INPP4B: variants seen among roughly 807,000 people sequenced by gnomAD.
INPP4B encodes inositol polyphosphate 4-phosphatase type II.
In INPP4B, 55 loss-of-function variants were observed where a neutral mutation model predicts 122.5. The ratio of observed to expected loss-of-function variants is 0.45; its 90% confidence interval spans 0.36 to 0.56. The LOEUF is 0.56. Ranked by LOEUF, INPP4B falls within the 20% of genes least tolerant of loss-of-function variation. The probability of loss-of-function intolerance (pLI) is 0.00; values close to 1 mark genes in which losing one functional copy is unlikely to be tolerated. For synonymous variants in INPP4B, 403 were observed against 388.7 expected (o/e 1.04, Z -0.43); for missense variants, 1,000 against 1,097.7 (o/e 0.91, Z 1.26).
At chr4:142,828,158 G>C (rs1013122950) in intron 1 of INPP4B, among the ~76,000 whole-genome samples, 2 of 151,950 alleles carry the variant, frequency 1.3e-5, no homozygotes, top group Non-Finnish European at 2.9e-5. Flanking sequence ...TCTCTCTGTG[G>C]CAAATTAAAA....
Position 142,532,263 on chromosome 4 carries a change from C to T in INPP4B, c.-190-69537G>A, listed in dbSNP as rs150039887. On this transcript the variant is annotated intron_variant, in intron 2 of 25. Transcript: ENST00000262992. ...TCTCCATCCACTTCAGCAGCAGCAC[C>T]CCCTGCTCTCATTATTCTTCACCTT... Among the ~76,000 whole-genome samples, 276 of 152,258 alleles carry T rather than the reference C, an allele frequency of 1.8e-3. 1 individual carries two copies. The highest frequency in any genetic ancestry group is 6.4e-3 in the African/African-American group (266 of 41,550).
intron 25 of INPP4B, among the ~76,000 whole-genome samples, chr4:142,046,014 T>C (rs1049619827): frequency 6.6e-6 from 1 of 151,588 alleles, no homozygotes; most frequent in Admixed American, 6.6e-5. Flanking sequence ...TTTGAGGGGG[T>C]GAGCAAAAGA....
intron 7 of INPP4B, among the ~76,000 whole-genome samples, chr4:142,331,907 T>C (rs1347423690): frequency 4.8e-5 from 1 of 20,768 alleles, no homozygotes; most frequent in Non-Finnish European, 9.9e-5. Flanking sequence ...ACCACAAAGC[T>C]GGGGGGGTGG....
intron 25 of INPP4B, among the ~76,000 whole-genome samples, chr4:142,032,799 T>C (rs1741170389): frequency 6.6e-6 from 1 of 152,332 alleles, no homozygotes; most frequent in East Asian, 1.9e-4. Context: ...AAGTAGCTCA[T>C]GTAAGTCAAT....
intron 2 of INPP4B, among the ~76,000 whole-genome samples, chr4:142,481,030 G>C (rs1820454489): frequency 6.6e-6 from 1 of 151,234 alleles, no homozygotes; most frequent in Non-Finnish European, 1.5e-5. Flanking sequence ...AGCTACTCGG[G>C]AGGCTGAGGC....
At chr4:142,339,820 C>T (rs1035001876) in intron 7 of INPP4B, among the ~76,000 whole-genome samples, 3 of 152,152 alleles carry the variant, frequency 2.0e-5, no homozygotes, top group South Asian at 4.1e-4. Flanking sequence ...TCATCTATTC[C>T]TCATTGTATA....
rs568586607 is a variant in INPP4B, at chr4:142,530,706, A to G, written c.-190-67980T>C. On this transcript the variant is annotated intron_variant, in intron 2 of 25. Coordinates refer to ENST00000262992, the MANE Select transcript of INPP4B (RefSeq NM_001101669.3). ...CATCATAGGTCTCTCTGATCAGACT[A>G]TGATCGAGTAGATGCCTGAATAAAG... Among the ~76,000 whole-genome samples the G allele has an allele frequency of 2.6e-5, 4 of 152,162 alleles. No individual in the cohort carries two copies. The East Asian group carries it at 5.8e-4, about 22-fold the overall frequency.
At position 142,178,417 on chromosome 4, in the gene INPP4B, T is replaced by C. The variant is rs532388397; in HGVS notation, c.1182-4608A>G. ...ACTCTCAGATATTGAAGTCCTTGAC[T>C]TATGGTTAGGGTTTGAAGACGGCAG... is the stretch of plus-strand genomic sequence containing the variant. On this transcript the variant is annotated intron_variant, in intron 15 of 25. Coordinates refer to ENST00000262992, the MANE Select transcript of INPP4B (RefSeq NM_001101669.3). Among the ~76,000 whole-genome samples the C allele has an allele frequency of 7.2e-5, 11 of 152,268 alleles. No individual in the cohort carries two copies. The South Asian group carries it at 2.3e-3, about 32-fold the overall frequency.
At chr4:142,181,013 C>G (rs1411776613) in intron 15 of INPP4B, among the ~76,000 whole-genome samples, 2 of 152,160 alleles carry the variant, frequency 1.3e-5, no homozygotes, top group African/African-American at 4.8e-5. Context: ...TCAAGGTAAT[C>G]AGTGGATCAT....
At chr4:142,073,544 A>G (rs1217997905) in intron 25 of INPP4B, among the ~76,000 whole-genome samples, 2 of 152,204 alleles carry the variant, frequency 1.3e-5, no homozygotes, top group South Asian at 4.1e-4. Flanking sequence ...ACCTGAGTAT[A>G]GCAAGTGTTC....
chr4:142,757,986 AT>A (rs1205096281), intron 1 of INPP4B, among the ~76,000 whole-genome samples: 2 of 152,162 alleles, frequency 1.3e-5, no homozygotes, highest in African/African-American at 2.4e-5. Context: ...GGCTTTGTGC[AT>A]TTTTTAAACT....
chr4:142,326,794 C>T lies in INPP4B; in HGVS notation c.373-12032G>A, dbSNP rs111233822. Among the ~76,000 whole-genome samples the T allele has an allele frequency of 4.2e-3, 647 of 152,274 alleles. 8 individuals are homozygous for T. Among genetic ancestry groups the T allele is most frequent in the African/African-American group, 0.014 (599 of 41,550 alleles). On this transcript the variant is annotated intron_variant, in intron 7 of 25. Transcript: ENST00000262992. ...AACTCTGTTTAACCTTTGGGTTAAT[C>T]ATTTCAGGGCATGTCTTTTTTTACT...
intron 2 of INPP4B, among the ~76,000 whole-genome samples, chr4:142,718,787 C>T (rs1485303007): frequency 6.6e-6 from 1 of 152,084 alleles, no homozygotes; most frequent in African/African-American, 2.4e-5. Flanking sequence ...CCTGTTAAGT[C>T]CTTTTTACTG....
At chr4:142,100,302 G>A (rs1256912492) in intron 23 of INPP4B, among the ~76,000 whole-genome samples, 2 of 152,108 alleles carry the variant, frequency 1.3e-5, no homozygotes, top group Admixed American at 6.6e-5. Context: ...GCCCCTGGAA[G>A]TGGTTATATC....
At chr4:142,050,516 ATAGTGATT>A (rs2152388482) in intron 25 of INPP4B, among the ~76,000 whole-genome samples, 1 of 152,192 alleles carries the variant, frequency 6.6e-6, no homozygotes, top group South Asian at 2.1e-4. Flanking sequence ...TACACAGCAC[ATAGTGATT>A]CTATATATAT....
chr4:142,376,762 G>A (rs1792011026), intron 7 of INPP4B, among the ~76,000 whole-genome samples: 1 of 151,944 alleles, frequency 6.6e-6, no homozygotes, highest in African/African-American at 2.4e-5. Flanking sequence ...GATTCATGGT[G>A]GAAAACTCTG....
At chr4:142,415,461 T>C in intron 5 of INPP4B, among the ~76,000 whole-genome samples, 1 of 152,106 alleles carries the variant, frequency 6.6e-6, no homozygotes. Flanking sequence ...TGATACCATC[T>C]CACACCAGTT....
At chr4:142,406,424 TA>T (rs749733316) in intron 5 of INPP4B, among the ~76,000 whole-genome samples, 4 of 152,178 alleles carry the variant, frequency 2.6e-5, no homozygotes, top group Non-Finnish European at 4.4e-5. Flanking sequence ...GTAACAAAGG[TA>T]ATATGGCTTA....
At chr4:142,143,777 A>AAG (rs1208773878) in intron 18 of INPP4B, among the ~76,000 whole-genome samples, 3 of 152,090 alleles carry the variant, frequency 2.0e-5, no homozygotes, top group Non-Finnish European at 4.4e-5. Context: ...TTACAGCACT[A>AAG]TGATAGTACT....
Sources: allele counts gnomAD v4.1 joint callset (sites outside exome capture counted in the v4.1 genomes callset), GRCh38; gene constraint gnomAD v4.1.1; transcripts MANE v1.5; gene names NCBI Gene and HGNC (gene_info 2026-07-23, HGNC 2026-07-21).